Variants in IPP observed in about 807,000 individuals in gnomAD.
IPP encodes the protein actin-binding protein IPP.
A neutral mutation model predicts 64.1 loss-of-function variants in IPP; 41 were observed. That is an observed-to-expected ratio of 0.64 (90% CI 0.50 to 0.83). The LOEUF (loss-of-function observed/expected upper bound fraction) is 0.83. IPP is among the 40% of genes least tolerant of loss of function. The pLI, the probability that IPP is intolerant of heterozygous loss-of-function variation, is 0.00. For missense variants in IPP, 649 were observed against 703.0 expected (o/e 0.92, Z 0.87); for synonymous variants, 214 against 235.2 (o/e 0.91, Z 0.83).
chr1:45,723,821 AAAAT>A (rs946851369), intron 5 of IPP, among the ~76,000 whole-genome samples: 28 of 152,164 alleles, frequency 1.8e-4, no homozygotes, highest in Middle Eastern at 6.8e-3. Context: ...GGCCCACTAA[AAAAT>A]AAATAAATAA....
At chr1:45,711,732 C>T (rs1042688341) in intron 8 of IPP, among the ~76,000 whole-genome samples, 13 of 146,808 alleles carry the variant, frequency 8.9e-5, no homozygotes, top group Non-Finnish European at 1.3e-4. Flanking sequence ...CTAGCTTAGG[C>T]GTCAGAGTAA....
chr1:45,742,710 G>GT (rs964448133), intron 2 of IPP, among the ~76,000 whole-genome samples: 88 of 146,624 alleles, frequency 6.0e-4, no homozygotes, highest in Admixed American at 1.8e-3. Flanking sequence ...ATTTTCTGTG[G>GT]TTTTTTTTTT....
intron 3 of IPP, among the ~76,000 whole-genome samples, chr1:45,732,669 T>C (rs1645926880): frequency 1.3e-5 from 1 of 78,926 alleles, no homozygotes; most frequent in Non-Finnish European, 2.9e-5. Context: ...TTTTTATTTA[T>C]TTATTTATTT....
At chr1:45,715,315 A>G (rs1198934548) in intron 7 of IPP, among the ~76,000 whole-genome samples, 3 of 152,246 alleles carry the variant, frequency 2.0e-5, no homozygotes, top group South Asian at 2.1e-4. Context: ...TTCATCTTCT[A>G]AAGTGAGGAG....
chr1:45,749,018 T>G (rs1646179656), intron 1 of IPP, among the ~76,000 whole-genome samples: 1 of 151,950 alleles, frequency 6.6e-6, no homozygotes, highest in South Asian at 2.1e-4. Context: ...AACCATGTAT[T>G]TGGCCCTACA....
Position 45,734,848 on chromosome 1 carries a change from C to CA in IPP, c.725-5080dup, listed in dbSNP as rs572710466. The stretch of plus-strand genomic sequence containing the variant: ...AGGTGGGAGTGCAGTGGCACAAACT[C>CA]AGCTCATACCAACCTCCACCTCCCA... On this transcript the variant is annotated intron_variant, in intron 3 of 8. Transcript: ENST00000396478. Among the ~76,000 whole-genome samples, 85 of 152,284 alleles carry CA rather than the reference C, an allele frequency of 5.6e-4. No individual in the cohort carries two copies. In the East Asian group the frequency reaches 0.013, roughly 23 times the overall value.
At chr1:45,726,334 T>C (rs1645827499) in intron 5 of IPP, among the ~76,000 whole-genome samples, 1 of 152,012 alleles carries the variant, frequency 6.6e-6, no homozygotes, top group Admixed American at 6.6e-5. Flanking sequence ...GGTACATGCC[T>C]GTAATCCCAG....
rs1451384611 is a variant in IPP at position 45,700,040 on chromosome 1, G to A, written c.1681C>T (p.Pro561Ser). 7 of 1,613,912 alleles carry A rather than the reference G, an allele frequency of 4.3e-6. No homozygotes were observed. In the African/African-American group the frequency reaches 6.7e-5, roughly 15 times the overall value. The change falls in exon 9 of 9, where the codon CCT (proline) becomes TCT (serine). Residue 561 changes from proline to serine, a missense_variant. Pro to Ser is a moderately conservative substitution (Grantham distance 74, BLOSUM62 -1). Transcript: ENST00000396478. ...ATTTCTGTCCATGTATCTGAATGAG[G>A]GTTATAAACTTCAACTGAGTCCAAG... ...GTLDSVEVYN[P>S]HSDTWTEIGN...
chr1:45,730,273 G>T (rs1645889538), intron 3 of IPP, among the ~76,000 whole-genome samples: 1 of 151,934 alleles, frequency 6.6e-6, no homozygotes, highest in Non-Finnish European at 1.5e-5. Context: ...TACCACTTGA[G>T]CTCAGGAAGC....
At chr1:45,719,870 C>T (rs1036846610) in intron 5 of IPP, among the ~76,000 whole-genome samples, 1 of 151,808 alleles carries the variant, frequency 6.6e-6, no homozygotes, top group Non-Finnish European at 1.5e-5. Flanking sequence ...GGACTACAGG[C>T]GCCTGCCACC....
At position 45,724,252 on chromosome 1, in the gene IPP, G is replaced by T. The variant is rs373142724; in HGVS notation, c.1048+3379C>A. ...GCCAGCCTTCGCCTCCCGAGGTGCC[G>T]GGATTGCAGACGGAGTCTCGTTCAC... On this transcript the variant is annotated intron_variant, in intron 5 of 8. Transcript: ENST00000396478. 3.0e-3 allele frequency among the ~76,000 whole-genome samples: 458 copies of T among 152,256 alleles called. 4 individuals are homozygous for T. The highest frequency in any genetic ancestry group is 0.022 in the East Asian group (114 of 5,176).
rs986395824 is a variant in IPP at position 45,699,246 on chromosome 1, A to G, written c.*720T>C. ...ACCCCTCCTAGGATATCTGCTGCCA[A>G]TAAAAAGTTTGGGGCTAGTGAAAAC... On this transcript the variant is annotated 3_prime_UTR_variant, in exon 9 of 9. Coordinates refer to ENST00000396478, the MANE Select transcript of IPP (RefSeq NM_005897.3). 1.2e-5 allele frequency: 12 copies of G among 985,280 alleles called. No individual in the cohort carries two copies. The highest frequency in any genetic ancestry group is 6.0e-6 in the Non-Finnish European group (5 of 829,918). 61.0% of individuals were successfully genotyped at this position (985,280 alleles called of 1,614,324 possible). A position where few individuals can be genotyped will look rare whatever the true frequency, so the allele number is the denominator to read the frequency against.
chr1:45,736,089 T>C (rs1645977562), intron 3 of IPP, among the ~76,000 whole-genome samples: 1 of 149,086 alleles, frequency 6.7e-6, no homozygotes, highest in Admixed American at 6.7e-5. Flanking sequence ...CTAGCTTCAG[T>C]GACAGAGCGA....
intron 1 of IPP, among the ~76,000 whole-genome samples, chr1:45,747,834 CAAAAAAAAAAAAAAAAAAAAAAAA>C (rs60576414): frequency 2.5e-5 from 1 of 39,280 alleles, no homozygotes; most frequent in African/African-American, 1.0e-4. Flanking sequence ...GACTCTGTCT[CAAAAAAAAAAAAAAAAAAAAAAAA>C]AAAAAAAAAC....
chr1:45,705,144 A>C (rs1254183211), intron 8 of IPP, among the ~76,000 whole-genome samples: 1 of 152,240 alleles, frequency 6.6e-6, no homozygotes, highest in East Asian at 1.9e-4. Context: ...ATCCTGAGCA[A>C]GGCCAAGAAC....
At chr1:45,732,946 T>C (rs920321640) in intron 3 of IPP, among the ~76,000 whole-genome samples, 3 of 151,994 alleles carry the variant, frequency 2.0e-5, no homozygotes, top group Non-Finnish European at 2.9e-5. Context: ...ATTACAGGTG[T>C]GAGCCACCGT....
At chr1:45,701,284 C>CTTTTTT in intron 8 of IPP, among the ~76,000 whole-genome samples, 1 of 149,810 alleles carries the variant, frequency 6.7e-6, no homozygotes. Context: ...TAGTGTCTTA[C>CTTTTTT]TTTTTTTTTT....
intron 3 of IPP, among the ~76,000 whole-genome samples, chr1:45,736,635 T>C (rs1645984666): frequency 6.6e-6 from 1 of 152,118 alleles, no homozygotes; most frequent in Non-Finnish European, 1.5e-5. Context: ...AGTATTTTCC[T>C]TCACTGAAAT....
intron 1 of IPP, among the ~76,000 whole-genome samples, chr1:45,750,261 G>A (rs1646203771): frequency 6.6e-6 from 1 of 152,174 alleles, no homozygotes; most frequent in East Asian, 1.9e-4. Context: ...GCCCTAAACT[G>A]CTGCTACACT....
Sources: allele counts gnomAD v4.1 joint callset (sites outside exome capture counted in the v4.1 genomes callset), GRCh38; gene constraint gnomAD v4.1.1; transcripts MANE v1.5; gene names NCBI Gene and HGNC (gene_info 2026-07-23, HGNC 2026-07-21).